The following C3 variants were observed in gnomAD, a reference collection of about 807,000 sequenced individuals.
The protein encoded by C3 is C3 and PZP-like alpha-2-macroglobulin domain-containing protein 1.
C3 carries 97 observed loss-of-function variants against 207.9 expected under a neutral mutation model. The observed-to-expected ratio is 0.47, with a 90% CI of 0.40 to 0.55. C3 has a LOEUF of 0.55. Ranked by LOEUF, C3 falls within the 20% of genes least tolerant of loss-of-function variation. The pLI, the probability that C3 is intolerant of heterozygous loss-of-function variation, is 0.00. For missense variants in C3, 1,684 were observed against 2,171.7 expected (o/e 0.78, Z 4.46); for synonymous variants, 848 against 857.6 (o/e 0.99, Z 0.20).
chr19:6,686,559 T>G, intron 28 of C3, 187 bp downstream of exon 28: 1 of 773,398 alleles, frequency 1.3e-6, no homozygotes. Context: ...CTGCGAAAAC[T>G]TAGAGCCGTG....
intron 27 of C3, among the ~76,000 whole-genome samples, chr19:6,688,777 A>G (rs144736445): frequency 3.9e-4 from 59 of 152,310 alleles, no homozygotes; most frequent in African/African-American, 1.3e-3. Flanking sequence ...CCTCTCTGAC[A>G]TCCACTCCTT....
intron 26 of C3, among the ~76,000 whole-genome samples, chr19:6,692,172 G>A (rs1918186110): frequency 6.6e-6 from 1 of 152,226 alleles, no homozygotes; most frequent in Admixed American, 6.5e-5. Context: ...TCATGATCAT[G>A]GCTCACTGCA....
At position 6,696,621 on chromosome 19, in the gene C3, G is replaced by A. The variant is rs769440567; in HGVS notation, c.2835C>T (p.Arg945=). ...GIRMNKTVAV[R]TLDPERLGRE... ...GGCCCAGGCGTTCTGGATCCAGGGT[G>A]CGAACAGCCACAGTTTTGTTCATTC... Residue 945 remains arginine (R), a synonymous_variant, in exon 22 of 41, where the codon CGC becomes CGT. Transcript: ENST00000245907. The A allele has an allele frequency of 1.2e-6, 2 of 1,613,964 alleles. No homozygotes were observed. The highest frequency in any genetic ancestry group is 8.5e-7 in the Non-Finnish European group (1 of 1,180,018).
rs1967596908 is a variant in C3, at chr19:6,699,133, G to A, written c.2441-1339C>T. Reference sequence around the variant, plus strand: ...TTTAAAAGGGTGACATATAGTAAGTGAATTAAATCTTAATTTTTTAAAAAT... The same window carrying A: ...TTTAAAAGGGTGACATATAGTAAGTAAATTAAATCTTAATTTTTTAAAAAT... On this transcript the variant is annotated intron_variant, in intron 19 of 40. Transcript: ENST00000245907. 2.0e-5 allele frequency among the ~76,000 whole-genome samples: 3 copies of A among 152,010 alleles called. No homozygotes were observed. The South Asian group carries it at 6.2e-4, about 32-fold the overall frequency.
rs1260516024 is a variant in C3, at chr19:6,719,611, T to G, written c.75-208A>C. Among the ~76,000 whole-genome samples, 1 of 151,896 alleles carries G rather than the reference T, an allele frequency of 6.6e-6. No individual in the cohort carries two copies. The highest frequency in any genetic ancestry group is 2.4e-5 in the African/African-American group (1 of 41,310). ...TGGGCAGGACAGCAGCCACCATGAC[T>G]CCCACTCTCAGCCAGCTGGGCCTGG... On this transcript the variant is annotated intron_variant, in intron 1 of 40. Transcript: ENST00000245907. This position sits in a 1 kb window ranked among gnomAD's most constrained non-coding sequence, Gnocchi z 5.4.
rs750985090 is a variant in C3, at chr19:6,713,171, C to A, written c.1003+18G>T. The A allele has an allele frequency of 7.4e-6, 12 of 1,613,530 alleles. No individual in the cohort carries two copies. Among genetic ancestry groups the A allele is most frequent in the Middle Eastern group, 1.6e-4 (1 of 6,068 alleles). On this transcript the variant is annotated intron_variant, in intron 9 of 40. Coordinates refer to ENST00000245907, the MANE Select transcript of C3 (RefSeq NM_000064.4). ...CCCACTTGGTGGTCCTGAGCCTGGC[C>A]TTCAGACTGGGCCTCACCTGAGTGC...
chr19:6,682,046 GC>G lies in C3; in HGVS notation c.4261-17del, dbSNP rs751871723. 10 of 1,612,154 alleles carry G rather than the reference GC, an allele frequency of 6.2e-6. No homozygotes were observed. Among genetic ancestry groups the G allele is most frequent in the Non-Finnish European group, 8.5e-7 (1 of 1,178,278 alleles). On this transcript the variant is annotated splice_polypyrimidine_tract_variant and intron_variant, in intron 34 of 40. Transcript: ENST00000245907. ...CATTGGCCAGCTGGGGAAAGGTGGA[GC>G]CTGTGAAAAATCCCTCCTGGACCCC...
chr19:6,712,411 G>A lies in C3; in HGVS notation c.1120-5C>T, dbSNP rs1461645613. The A allele has an allele frequency of 2.5e-6, 4 of 1,614,196 alleles. No individual in the cohort carries two copies. In the South Asian group the frequency reaches 4.4e-5, roughly 18 times the overall value. On this transcript the variant is annotated splice_polypyrimidine_tract_variant and splice_region_variant and intron_variant, in intron 10 of 40. Transcript: ENST00000245907. ...ATCAGGGTTCGTCACGAACACCTGT[G>A]ATGTGGGGTGCAGGTGGGGGAAGTT...
intron 19 of C3, among the ~76,000 whole-genome samples, chr19:6,701,193 T>C (rs1330719988): frequency 6.6e-6 from 1 of 152,108 alleles, no homozygotes; most frequent in African/African-American, 2.4e-5. Flanking sequence ...TGGAAATAAC[T>C]TTGCTAGGGA....
At chr19:6,711,379 G>C (rs1392095181) in intron 11 of C3, among the ~76,000 whole-genome samples, 183 bp from the exon 12 acceptor site, 2 of 152,110 alleles carry the variant, frequency 1.3e-5, no homozygotes, top group African/African-American at 2.4e-5. Flanking sequence ...TAATCATAAG[G>C]GTCTTTATTA....
intron 21 of C3, 102 bp downstream of exon 21, chr19:6,697,242 T>C: frequency 2.3e-6 from 2 of 874,696 alleles, no homozygotes; most frequent in South Asian, 2.8e-5. Flanking sequence ...GACACTATGA[T>C]TCTTAGTGTC....
Position 6,712,388 on chromosome 19 carries a change from C to G in C3, c.1138G>C (p.Asp380His). Residue 380 changes from aspartate to histidine, a missense_variant, in exon 11 of 41, where the codon GAT becomes CAT. Physicochemically the swap from Asp to His is moderately conservative, Grantham distance 81 (BLOSUM62 -1). Coordinates refer to ENST00000245907, the MANE Select transcript of C3 (RefSeq NM_000064.4). ...GGGACTCGGTAGGCTGGAGAGCCATCAGGGTTCGTCACGAACACCTGTGAT... is the reference window on the plus strand; with the variant it reads ...GGGACTCGGTAGGCTGGAGAGCCATGAGGGTTCGTCACGAACACCTGTGAT... Reference protein sequence around the residue: ...FDLMVFVTNPDGSPAYRVPVA... With the variant: ...FDLMVFVTNPHGSPAYRVPVA... 6.2e-7 allele frequency: 1 copy of G among 1,614,152 alleles called. No homozygotes were observed. The highest frequency in any genetic ancestry group is 8.5e-7 in the Non-Finnish European group (1 of 1,180,008).
At position 6,713,042 on chromosome 19, in the gene C3, T is replaced by A. The variant is rs945929488; in HGVS notation, c.1003+147A>T. 61 of 959,996 alleles carry A rather than the reference T, an allele frequency of 6.4e-5. 1 individual carries two copies. The African/African-American group carries it at 8.4e-4, about 13-fold the overall frequency. 59.5% of individuals were successfully genotyped at this position (959,996 alleles called of 1,614,324 possible). On this transcript the variant is annotated intron_variant, in intron 9 of 40. Transcript: ENST00000245907. The stretch of plus-strand genomic sequence containing the variant: ...ATCCATCTTCATACTCGGCCTCCCC[T>A]CTCAGACTGGGCCTACCCCATCAGA...
chr19:6,717,668 TTG>T, intron 4 of C3: 5 of 329,088 alleles, frequency 1.5e-5, no homozygotes, highest in South Asian at 1.3e-4. Context: ...GTTATGTATG[TTG>T]TGTTGTGTTG....
chr19:6,685,441 C>A (rs945432825), intron 29 of C3, among the ~76,000 whole-genome samples: 1 of 152,032 alleles, frequency 6.6e-6, no homozygotes, highest in Non-Finnish European at 1.5e-5. Flanking sequence ...CAGTCTAGAC[C>A]CATCAAGAGG....
chr19:6,683,652 C>T (rs1051205912), intron 33 of C3, among the ~76,000 whole-genome samples: 3 of 151,986 alleles, frequency 2.0e-5, no homozygotes, highest in Non-Finnish European at 2.9e-5. Flanking sequence ...GGTGTTTCAC[C>T]GTGTTAGCCA....
chr19:6,706,409 C>T (rs945981019), intron 17 of C3, among the ~76,000 whole-genome samples: 3 of 152,188 alleles, frequency 2.0e-5, no homozygotes, highest in African/African-American at 7.2e-5. Flanking sequence ...CATCTGAAGG[C>T]CTCTGTCCCT....
At chr19:6,713,649 C>T (rs1478199162) in intron 7 of C3, 140 bp from the exon 8 acceptor site, 1 of 686,666 alleles carries the variant, frequency 1.5e-6, no homozygotes, top group Non-Finnish European at 2.6e-6. Flanking sequence ...AGCCCCTCAC[C>T]TGGCCCCACC....
rs767334972 is a variant in C3, at chr19:6,710,663, G to T, written c.1662C>A (p.Asp554Glu). The T allele has an allele frequency of 6.2e-7, 1 of 1,613,172 alleles. No individual in the cohort carries two copies. Among genetic ancestry groups the T allele is most frequent in the African/African-American group, 1.3e-5 (1 of 75,032 alleles). Reference sequence around the variant, plus strand: ...CCGAGCCCACGCAGGAGTCCTTGACGTCCACCCACACGGAGTCGGCCACCA... The same window carrying T: ...CCGAGCCCACGCAGGAGTCCTTGACTTCCACCCACACGGAGTCGGCCACCA... ...REVVADSVWV[D>E]VKDSCVGSLV... The change falls in exon 13 of 41, where the codon GAC (aspartate) becomes GAA (glutamate). Residue 554 changes from aspartate to glutamate, a missense_variant. By Grantham distance (45) the Asp-to-Glu change is conservative. This residue lies in a region of C3 where 1,280 missense variants were observed against 1,739.1 expected (regional missense o/e 0.74). Transcript: ENST00000245907.
Sources: allele counts gnomAD v4.1 joint callset (sites outside exome capture counted in the v4.1 genomes callset), GRCh38; gene constraint gnomAD v4.1.1; regional missense constraint gnomAD v4.1.1; non-coding constraint Gnocchi (gnomAD v3.1); transcripts MANE v1.5; gene names NCBI Gene and HGNC (gene_info 2026-07-23, HGNC 2026-07-21).